Variants in NRXN3 observed in about 807,000 individuals in gnomAD.
The protein encoded by NRXN3 is neurexin 3.
NRXN3 carries 32 observed loss-of-function variants against 137.6 expected under a neutral mutation model. The observed-to-expected ratio is 0.23, with a 90% CI of 0.18 to 0.31. The LOEUF (loss-of-function observed/expected upper bound fraction) is 0.31. NRXN3 is among the 10% of genes least tolerant of loss of function. NRXN3 has a pLI of 1.00. For missense variants in NRXN3, 1,574 were observed against 2,062.5 expected (o/e 0.76, Z 4.59); for synonymous variants, 798 against 784.5 (o/e 1.02, Z -0.29).
chr14:79,093,740 A>G (rs1006145658), intron 15 of NRXN3, among the ~76,000 whole-genome samples: 1 of 152,040 alleles, frequency 6.6e-6, no homozygotes, highest in African/African-American at 2.4e-5. Flanking sequence ...GGGGATATAC[A>G]TGTGTGCATT....
At chr14:78,513,596 A>C (rs2096149992) in intron 4 of NRXN3, among the ~76,000 whole-genome samples, 1 of 152,198 alleles carries the variant, frequency 6.6e-6, no homozygotes, top group Non-Finnish European at 1.5e-5. Flanking sequence ...TAAATACATG[A>C]GGAGTTAAGT....
chr14:78,814,492 G>A (rs1237861950), intron 10 of NRXN3, among the ~76,000 whole-genome samples: 1 of 152,176 alleles, frequency 6.6e-6, no homozygotes, highest in African/African-American at 2.4e-5. Context: ...GTGTGCACCT[G>A]TAGTCCCAGC....
At chr14:78,778,736 C>CTT (rs2098755010) in intron 8 of NRXN3, among the ~76,000 whole-genome samples, 2 of 94,924 alleles carry the variant, frequency 2.1e-5, no homozygotes, top group South Asian at 3.3e-4. Flanking sequence ...CTTTCTCTCT[C>CTT]TCTTTCTTTC....
At chr14:78,619,897 C>T (rs1452873724) in intron 4 of NRXN3, among the ~76,000 whole-genome samples, 5 of 152,056 alleles carry the variant, frequency 3.3e-5, no homozygotes, top group Non-Finnish European at 1.5e-5. Flanking sequence ...TTTTCTCGGC[C>T]ATGTGAGGAC....
At chr14:79,653,575 G>A (rs1049091185) in intron 16 of NRXN3, among the ~76,000 whole-genome samples, 5 of 152,092 alleles carry the variant, frequency 3.3e-5, no homozygotes, top group Non-Finnish European at 1.5e-5. Flanking sequence ...ATCTGCAGCT[G>A]ACCTCCTTCA....
chr14:79,500,107 G>A (rs1178821670), intron 16 of NRXN3, among the ~76,000 whole-genome samples: 1 of 151,912 alleles, frequency 6.6e-6, no homozygotes, highest in Non-Finnish European at 1.5e-5. Flanking sequence ...AAAGAAAGGT[G>A]CTTCTGTTTC....
chr14:78,432,586 C>T lies in NRXN3; in HGVS notation c.757+134726C>T, dbSNP rs144329522. 1.1e-3 allele frequency among the ~76,000 whole-genome samples: 162 copies of T among 152,274 alleles called. 2 individuals carry two copies. In the East Asian group the frequency reaches 0.027, roughly 25 times the overall value. ...TGAGAAGCCCAGAGAGTTTTGGTGGCCTGGGCAAGCTCCTATGCCTCAGGT... is the reference window on the plus strand; with the variant it reads ...TGAGAAGCCCAGAGAGTTTTGGTGGTCTGGGCAAGCTCCTATGCCTCAGGT... On this transcript the variant is annotated intron_variant, in intron 4 of 20. Coordinates refer to ENST00000335750, the MANE Select transcript of NRXN3 (RefSeq NM_001330195.2).
intron 10 of NRXN3, among the ~76,000 whole-genome samples, chr14:78,896,165 A>G (rs941011252): frequency 1.3e-5 from 2 of 151,874 alleles, no homozygotes; most frequent in Admixed American, 1.3e-4. Flanking sequence ...GTGAAGCACA[A>G]AAAAACTAGG....
intron 16 of NRXN3, among the ~76,000 whole-genome samples, chr14:79,596,858 G>A (rs986322660): frequency 6.6e-6 from 1 of 152,156 alleles, no homozygotes; most frequent in African/African-American, 2.4e-5. Flanking sequence ...TTTTGATCAA[G>A]GGGAACTTTA....
chr14:78,358,709 G>A (rs1346416972), intron 4 of NRXN3, among the ~76,000 whole-genome samples: 5 of 152,186 alleles, frequency 3.3e-5, no homozygotes, highest in African/African-American at 1.2e-4. Flanking sequence ...ATTTGATCCT[G>A]TCTCTTGGGA....
intron 15 of NRXN3, among the ~76,000 whole-genome samples, chr14:79,376,258 ATATAT>A (rs2153446090): frequency 1.4e-5 from 1 of 72,538 alleles, no homozygotes; most frequent in East Asian, 3.0e-4. Flanking sequence ...ATATATATAT[ATATAT>A]ATACACATAC....
At chr14:79,497,041 T>G (rs1173346878) in intron 16 of NRXN3, among the ~76,000 whole-genome samples, 2 of 152,180 alleles carry the variant, frequency 1.3e-5, no homozygotes, top group Admixed American at 1.3e-4. Flanking sequence ...AAGACTACAG[T>G]AACTTTTCCA....
intron 15 of NRXN3, among the ~76,000 whole-genome samples, chr14:79,207,378 G>T (rs949391817): frequency 1.3e-5 from 2 of 152,106 alleles, no homozygotes; most frequent in Non-Finnish European, 2.9e-5. Flanking sequence ...AAAACCAAAA[G>T]TGCACATGAA....
chr14:78,296,143 C>G (rs1397906492), intron 3 of NRXN3, among the ~76,000 whole-genome samples: 1 of 150,366 alleles, frequency 6.7e-6, no homozygotes, highest in Non-Finnish European at 1.5e-5. Context: ...ATTGTAGCCT[C>G]AAACTTCTTG....
intron 15 of NRXN3, among the ~76,000 whole-genome samples, chr14:79,273,837 C>T (rs900698669): frequency 2.0e-5 from 3 of 151,812 alleles, no homozygotes; most frequent in Non-Finnish European, 4.4e-5. Context: ...TGGCTCACAC[C>T]TGTAATGCCA....
intron 15 of NRXN3, chr14:79,279,542 C>T: frequency 2.0e-6 from 2 of 986,194 alleles, no homozygotes; most frequent in Non-Finnish European, 2.4e-6. Context: ...GGCTGCTCCG[C>T]ACCGGGTTCC....
intron 8 of NRXN3, among the ~76,000 whole-genome samples, chr14:78,739,462 G>C (rs1158648713): frequency 1.3e-5 from 2 of 152,146 alleles, no homozygotes; most frequent in Admixed American, 6.6e-5. Context: ...CTCTTTCACA[G>C]ACAACTCTTT....
At chr14:79,409,244 T>A (rs1193229439) in intron 15 of NRXN3, among the ~76,000 whole-genome samples, 2 of 151,986 alleles carry the variant, frequency 1.3e-5, no homozygotes, top group Non-Finnish European at 2.9e-5. Context: ...TATATTCTGC[T>A]ACATACATAT....
At chr14:79,836,515 C>T (rs376240713) in intron 20 of NRXN3, among the ~76,000 whole-genome samples, 2 of 148,366 alleles carry the variant, frequency 1.3e-5, no homozygotes, top group African/African-American at 2.4e-5. Flanking sequence ...TGTGGTGATC[C>T]GAACTATGCT....
Sources: allele counts gnomAD v4.1 joint callset (sites outside exome capture counted in the v4.1 genomes callset), GRCh38; gene constraint gnomAD v4.1.1; transcripts MANE v1.5; gene names NCBI Gene and HGNC (gene_info 2026-07-23, HGNC 2026-07-21).